Variants in GLT8D2 observed in about 807,000 individuals in gnomAD.
GLT8D2 encodes the protein glycosyltransferase 8 domain-containing protein 2.
In GLT8D2, 45 loss-of-function variants were observed where a neutral mutation model predicts 44.5. The observed-to-expected ratio is 1.01, with a 90% CI of 0.80 to 1.30. The LOEUF (loss-of-function observed/expected upper bound fraction) is 1.30. GLT8D2 is among the 50% of genes most tolerant of loss of function. The probability of loss-of-function intolerance (pLI) is 0.00; values close to 1 mark genes in which losing one functional copy is unlikely to be tolerated. For synonymous variants in GLT8D2, 156 were observed against 157.2 expected (o/e 0.99, Z 0.06); for missense variants, 400 against 430.4 (o/e 0.93, Z 0.62).
Position 104,021,921 on chromosome 12 carries a change from GAAGAAGAAGAA to G in GLT8D2, c.-163-441_-163-431del, listed in dbSNP as rs1566202315. ...AGAAGAAGAAGAAGAAGAAGAAGAA[GAAGAAGAAGAA>G]GAAGAAGAAGAAGAAGAAGAAGAGG... is the stretch of plus-strand genomic sequence containing the variant. On this transcript the variant is annotated intron_variant, in intron 1 of 10. Transcript: ENST00000360814. 4.8e-3 allele frequency among the ~76,000 whole-genome samples: 139 copies of G among 28,886 alleles called. 11 individuals are homozygous for G. In the East Asian group the frequency reaches 0.066, roughly 14 times the overall value. The allele number at this position is 28,886 out of a possible 152,430, so 19.0% of individuals were successfully genotyped here.
At chr12:104,023,734 T>C (rs1048718917) in intron 1 of GLT8D2, among the ~76,000 whole-genome samples, 1 of 152,228 alleles carries the variant, frequency 6.6e-6, no homozygotes, top group Non-Finnish European at 1.5e-5. Context: ...ATAGGTTCTC[T>C]GTCTCTGTAG....
intron 1 of GLT8D2, among the ~76,000 whole-genome samples, chr12:104,034,566 G>A (rs546573156): frequency 1.1e-3 from 169 of 152,370 alleles, no homozygotes; most frequent in Middle Eastern, 6.8e-3. Context: ...ATCGACCTGC[G>A]AGGCAGCAGC....
rs760871849 is a variant in GLT8D2, at chr12:104,026,278, C to CAA, written c.-163-4789_-163-4788dup. ...TGGGCGACAGAGCAAGACTCTGTCTCAAAAAAAAAAAAAAAAAATTCAATA... is the reference window on the plus strand; with the variant it reads ...TGGGCGACAGAGCAAGACTCTGTCTCAAAAAAAAAAAAAAAAAAAATTCAATA... On this transcript the variant is annotated intron_variant, in intron 1 of 10. Coordinates refer to ENST00000360814, the MANE Select transcript of GLT8D2 (RefSeq NM_001384711.1). 1.3e-3 allele frequency among the ~76,000 whole-genome samples: 103 copies of CAA among 78,856 alleles called. 1 individual carries two copies. The highest frequency in any genetic ancestry group is 5.3e-3 in the East Asian group (18 of 3,368). The allele number at this position is 78,856 out of a possible 152,430, so 51.7% of individuals were successfully genotyped here.
intron 4 of GLT8D2, among the ~76,000 whole-genome samples, chr12:104,004,077 A>T (rs982262810): frequency 6.6e-6 from 1 of 152,212 alleles, no homozygotes; most frequent in Non-Finnish European, 1.5e-5. Context: ...GGTTCAACAT[A>T]CACAAATCAA....
intron 1 of GLT8D2, among the ~76,000 whole-genome samples, chr12:104,038,101 A>C (rs899062617): frequency 1.3e-5 from 2 of 152,260 alleles, no homozygotes; most frequent in African/African-American, 4.8e-5. Flanking sequence ...ACAGCCTTTC[A>C]TGCTAAAAAC....
chr12:104,035,823 G>A (rs1005176442), intron 1 of GLT8D2, among the ~76,000 whole-genome samples: 2 of 152,022 alleles, frequency 1.3e-5, no homozygotes, highest in African/African-American at 2.4e-5. Context: ...AGAGAGCACC[G>A]CAAAGATATT....
intron 4 of GLT8D2, among the ~76,000 whole-genome samples, chr12:104,007,265 T>TCTCTCTCTCTCTCTCTCTCTCTCTCTCC (rs377119502): frequency 7.3e-6 from 1 of 136,282 alleles, no homozygotes. Flanking sequence ...TCTCTCTCTC[T>TCTCTCTCTCTCTCTCTCTCTCTCTCTCC]CCCCCCGCTC....
chr12:104,043,443 A>T (rs975802460), intron 1 of GLT8D2, among the ~76,000 whole-genome samples: 1 of 151,882 alleles, frequency 6.6e-6, no homozygotes, highest in Non-Finnish European at 1.5e-5. Flanking sequence ...ATCTTCCCCA[A>T]ATCAGTTCGG....
At chr12:104,044,385 T>C (rs901131007) in intron 1 of GLT8D2, among the ~76,000 whole-genome samples, 2 of 152,242 alleles carry the variant, frequency 1.3e-5, no homozygotes, top group Non-Finnish European at 2.9e-5. Context: ...GGAAATTTTG[T>C]TTCATTCATT....
intron 1 of GLT8D2, among the ~76,000 whole-genome samples, chr12:104,037,566 A>T (rs1448533210): frequency 3.9e-5 from 6 of 152,218 alleles, no homozygotes; most frequent in Non-Finnish European, 8.8e-5. Context: ...AAATTCCTGG[A>T]TGCATACACC....
chr12:104,006,576 T>A (rs1227628816), intron 4 of GLT8D2, among the ~76,000 whole-genome samples: 1 of 152,124 alleles, frequency 6.6e-6, no homozygotes, highest in Non-Finnish European at 1.5e-5. Flanking sequence ...CAGGACCTTT[T>A]AGACCTCCTC....
chr12:104,032,864 G>A (rs1879473386), intron 1 of GLT8D2, among the ~76,000 whole-genome samples: 1 of 145,502 alleles, frequency 6.9e-6, no homozygotes, highest in African/African-American at 2.5e-5. Context: ...ACACTCTCAG[G>A]TTCATTGCAG....
chr12:103,992,473 T>C (rs961826148), intron 10 of GLT8D2, among the ~76,000 whole-genome samples: 3 of 150,252 alleles, frequency 2.0e-5, no homozygotes, highest in Non-Finnish European at 4.4e-5. Flanking sequence ...ACAGTGAAAG[T>C]TCTCTCTCTC....
intron 4 of GLT8D2, among the ~76,000 whole-genome samples, chr12:104,005,748 G>A (rs556888332): frequency 6.6e-6 from 1 of 152,220 alleles, no homozygotes; most frequent in Admixed American, 6.5e-5. Flanking sequence ...TCCTGGAGAG[G>A]ATGTGGAGAA....
chr12:104,052,841 C>G (rs1483696535), upstream of GLT8D2, among the ~76,000 whole-genome samples: 1 of 152,070 alleles, frequency 6.6e-6, no homozygotes, highest in Non-Finnish European at 1.5e-5. Flanking sequence ...GGGCCTTTCT[C>G]CTCAGCCTCC....
chr12:103,996,631 A>G, intron 8 of GLT8D2, 104 bp downstream of exon 8: 1 of 781,942 alleles, frequency 1.3e-6, no homozygotes, highest in South Asian at 1.7e-5. Context: ...ACTGGCCCAT[A>G]AGGTTTTTGA....
At chr12:103,995,720 G>A (rs924516939) in intron 8 of GLT8D2, among the ~76,000 whole-genome samples, 5 of 152,204 alleles carry the variant, frequency 3.3e-5, no homozygotes, top group Admixed American at 3.3e-4. Context: ...TTGAATGAAT[G>A]TTGTACAGGG....
At chr12:104,060,148 C>T (rs192571807) in intron 1 of GLT8D2, among the ~76,000 whole-genome samples, 3 of 152,310 alleles carry the variant, frequency 2.0e-5, no homozygotes, top group Middle Eastern at 3.4e-3. Context: ...CTCTATGAAA[C>T]CCTCTTTGCC....
chr12:104,016,838 G>GA (rs777979649), intron 3 of GLT8D2, among the ~76,000 whole-genome samples: 1 of 136,622 alleles, frequency 7.3e-6, no homozygotes, highest in African/African-American at 2.8e-5. Flanking sequence ...AAGAAAGAAA[G>GA]AAAGAAAGAA....
Sources: gnomAD v4.1 joint callset for allele counts (sites outside exome capture counted in the v4.1 genomes callset) on GRCh38, gnomAD v4.1.1 for gene constraint, MANE v1.5 for transcripts, NCBI Gene and HGNC (gene_info 2026-07-23, HGNC 2026-07-21) for gene names.